CR1: variants seen among roughly 807,000 people sequenced by gnomAD.
CR1 encodes the protein complement receptor type 1.
In CR1, 116 loss-of-function variants were observed where a neutral mutation model predicts 187.3. The observed-to-expected ratio is 0.62, with a 90% confidence interval of 0.53 to 0.72. CR1 has a LOEUF of 0.72. Ranked by LOEUF, CR1 falls within the 30% of genes least tolerant of loss-of-function variation. The pLI, the probability that CR1 is intolerant of heterozygous loss-of-function variation, is 0.00. For missense variants in CR1, 1,731 were observed against 2,110.7 expected, an observed-to-expected ratio of 0.82 and a Z score of 3.52; for synonymous variants, 576 against 747.1, an observed-to-expected ratio of 0.77 and a Z score of 3.73.
In CR1 at chr1:207,639,583, GC is replaced by G. The variant is rs1485720647; in HGVS notation, c.*176del. The stretch of plus-strand genomic sequence containing the variant: ...TTCCCTGGTACCTAGCAAAGCTCCT[GC>G]CTCTTTGTGTGCGTCACTGTGAAAC... On this transcript the variant is annotated 3_prime_UTR_variant, in exon 47 of 47. Coordinates refer to ENST00000367049, the MANE Select transcript of CR1 (RefSeq NM_000651.6). 4 of 604,236 alleles carry G rather than the reference GC, an allele frequency of 6.6e-6. No individual in the cohort carries two copies. The African/African-American group carries it at 7.4e-5, about 11-fold the overall frequency. 37.4% of individuals were successfully genotyped at this position (604,236 alleles called of 1,614,324 possible).
chr1:207,638,641 C>G (rs1662887515), intron 46 of CR1, among the ~76,000 whole-genome samples: 1 of 152,204 alleles, frequency 6.6e-6, no homozygotes, highest in South Asian at 2.1e-4. Flanking sequence ...CTATTTCCAA[C>G]CTTAATATAA....
Position 207,641,644 on chromosome 1 carries a change from T to C in CR1, c.*2235T>C, listed in dbSNP as rs1013809003. On this transcript the variant is annotated 3_prime_UTR_variant, in exon 47 of 47. Coordinates refer to ENST00000367049, the MANE Select transcript of CR1 (RefSeq NM_000651.6). ...AGCTATTGCTAGTCCTAACATTCTT[T>C]GTTTTGTTTGCTTTTTTGGCACACT... The C allele has an allele frequency of 2.0e-5, 3 of 152,254 alleles. No individual in the cohort carries two copies. The highest frequency in any genetic ancestry group is 2.9e-5 in the Non-Finnish European group (2 of 68,040). 9.4% of individuals were successfully genotyped at this position (152,254 alleles called of 1,614,324 possible). A position where few individuals can be genotyped will look rare whatever the true frequency, so the allele number is the denominator to read the frequency against.
In CR1 at chr1:207,575,610, T is replaced by C. The variant is rs1266311334; in HGVS notation, c.4467T>C (p.Gly1489=). 1 of 1,611,720 alleles carries C rather than the reference T, an allele frequency of 6.2e-7. No homozygotes were observed. The highest frequency in any genetic ancestry group is 8.5e-7 in the Non-Finnish European group (1 of 1,179,716). Residue 1489 remains glycine (G), a synonymous_variant, in exon 28 of 47, where the codon GGT becomes GGC. Transcript: ENST00000367049. ...TTGCCTTTAGGCACCGACTCATTGG[T>C]CACTCATCTGCTGAATGTATCCTCT... ...YSCTTGHRLI[G]HSSAECILSG...
At chr1:207,633,945 TG>T (rs1662730961) in intron 46 of CR1, among the ~76,000 whole-genome samples, 2 of 151,564 alleles carry the variant, frequency 1.3e-5, no homozygotes. Flanking sequence ...CGGGCAGAAG[TG>T]GGGGTCGCAA....
chr1:207,520,281 G>T (rs1480959301), intron 4 of CR1, among the ~76,000 whole-genome samples: 1 of 152,154 alleles, frequency 6.6e-6, no homozygotes, highest in African/African-American at 2.4e-5. Flanking sequence ...CTCTCTATGG[G>T]ACAGCTAGAT....
rs373835373 is a variant in CR1, at chr1:207,578,218, T to G, written c.4936+15T>G. 361 of 1,611,466 alleles carry G rather than the reference T, an allele frequency of 2.2e-4. 4 individuals carry two copies. In the South Asian group the frequency reaches 2.8e-3, roughly 12 times the overall value. On this transcript the variant is annotated intron_variant, in intron 29 of 46. Transcript: ENST00000367049. ...CTGCTCCAGGGGTGAGTCTGACTGA[T>G]GCCTAGAAGGGCCCTGCCAGTGACA...
At chr1:207,506,908 C>G in intron 3 of CR1, 95 bp downstream of exon 3, 1 of 956,108 alleles carries the variant, frequency 1.0e-6, no homozygotes. Flanking sequence ...GACAACTAAA[C>G]TATTACCATC....
At chr1:207,504,081 G>A (rs185557800) in intron 1 of CR1, among the ~76,000 whole-genome samples, 6 of 152,280 alleles carry the variant, frequency 3.9e-5, no homozygotes, top group Admixed American at 2.0e-4. Flanking sequence ...AGCTAAGAGG[G>A]GAAAGGCATT....
intron 4 of CR1, among the ~76,000 whole-genome samples, chr1:207,513,734 T>TCTTCCCTC (rs1424825610): frequency 1.7e-5 from 1 of 58,260 alleles, no homozygotes; most frequent in African/African-American, 8.8e-5. Context: ...CTCCCTCCTT[T>TCTTCCCTC]CCTCCCTCCC....
At chr1:207,507,064 G>A (rs1659461976) in intron 3 of CR1, 1 of 393,654 alleles carries the variant, frequency 2.5e-6, no homozygotes, top group Non-Finnish European at 4.6e-6. Context: ...GGGTGGGAAG[G>A]AAGAAAATGG....
intron 29 of CR1, among the ~76,000 whole-genome samples, chr1:207,578,710 G>T (rs1571552322): frequency 6.6e-6 from 1 of 152,252 alleles, no homozygotes; most frequent in Non-Finnish European, 1.5e-5. Flanking sequence ...AGACCCCAGA[G>T]TCTGAATGTT....
chr1:207,617,807 G>A (rs964771168), intron 41 of CR1, among the ~76,000 whole-genome samples: 6 of 151,154 alleles, frequency 4.0e-5, no homozygotes, highest in East Asian at 1.9e-4. Flanking sequence ...GCACTGAATC[G>A]GTAGCTTGTC....
In CR1 at chr1:207,609,560, G is replaced by A. The variant is rs1237809573; in HGVS notation, c.6167G>A (p.Arg2056Lys). Reference protein sequence around the residue: ...VENAIRVPGNRSFFTLTEIIR... With the variant: ...VENAIRVPGNKSFFTLTEIIR... ...AATGCAATTAGAGTACCAGGAAACA[G>A]GAGTTTCTTTACCCTCACTGAGATC... Residue 2056 changes from arginine (R) to lysine (K), a missense_variant, in exon 37 of 47, where the codon AGG becomes AAG. Arg to Lys is a conservative substitution (Grantham distance 26, BLOSUM62 2). Coordinates refer to ENST00000367049, the MANE Select transcript of CR1 (RefSeq NM_000651.6). 3.7e-6 allele frequency: 6 copies of A among 1,613,776 alleles called. No individual in the cohort carries two copies. Among genetic ancestry groups the A allele is most frequent in the African/African-American group, 2.7e-5 (2 of 74,922 alleles).
rs550617250 is a variant in CR1 at position 207,592,211 on chromosome 1, C to A, written c.5810+3437C>A. Among the ~76,000 whole-genome samples the A allele has an allele frequency of 6.6e-5, 10 of 152,264 alleles. No homozygotes were observed. In the East Asian group the frequency reaches 1.5e-3, roughly 23 times the overall value. ...AAATCCTCAATAAAATACTGGCAAACAAAATTCAGCAGCACATCAAAAAGC... is the reference window on the plus strand; with the variant it reads ...AAATCCTCAATAAAATACTGGCAAAAAAAATTCAGCAGCACATCAAAAAGC... On this transcript the variant is annotated intron_variant, in intron 35 of 46. Transcript: ENST00000367049.
At chr1:207,605,754 C>G (rs1159193695) in intron 35 of CR1, 1 of 152,122 alleles carries the variant, frequency 6.6e-6, no homozygotes, top group Non-Finnish European at 1.5e-5. Context: ...TGGTTCTCAA[C>G]TTGTTTAATT....
At chr1:207,565,022 G>A (rs1005786467) in intron 23 of CR1, among the ~76,000 whole-genome samples, 3 of 149,926 alleles carry the variant, frequency 2.0e-5, no homozygotes, top group African/African-American at 7.6e-5. Flanking sequence ...GGCTAGTCAT[G>A]GGCTCTGGGC....
At chr1:207,611,366 A>G (rs1456290766) in intron 37 of CR1, among the ~76,000 whole-genome samples, 3 of 152,060 alleles carry the variant, frequency 2.0e-5, no homozygotes, top group African/African-American at 7.3e-5. Flanking sequence ...TGGCCAAACC[A>G]CCCGCACTCA....
chr1:207,613,218 C>T (rs1425784069), intron 39 of CR1, among the ~76,000 whole-genome samples: 3 of 152,098 alleles, frequency 2.0e-5, no homozygotes, highest in South Asian at 2.1e-4. Context: ...TCAGCGGAGA[C>T]GAGACACGAG....
At chr1:207,595,421 C>T (rs1661401972) in intron 35 of CR1, among the ~76,000 whole-genome samples, 1 of 151,996 alleles carries the variant, frequency 6.6e-6, no homozygotes, top group South Asian at 2.1e-4. Flanking sequence ...AACAATGGGC[C>T]CCGGCCCTAC....
Sources: gnomAD v4.1 joint callset for allele counts (sites outside exome capture counted in the v4.1 genomes callset) on GRCh38, gnomAD v4.1.1 for gene constraint, MANE v1.5 for transcripts, NCBI Gene and HGNC (gene_info 2026-07-23, HGNC 2026-07-21) for gene names.